CAMK2B: variants seen among roughly 807,000 people sequenced by gnomAD.
The protein encoded by CAMK2B is calcium/calmodulin-dependent protein kinase type II subunit beta.
A neutral mutation model predicts 93.7 loss-of-function variants in CAMK2B; 27 were observed. That is an observed-to-expected ratio of 0.29 (90% CI 0.21 to 0.40). The LOEUF (loss-of-function observed/expected upper bound fraction) is 0.40. Among genes scored for constraint, CAMK2B ranks in the 10% least tolerant of loss-of-function variants. The probability of loss-of-function intolerance (pLI) is 1.00; values close to 1 mark genes in which losing one functional copy is unlikely to be tolerated. For synonymous variants in CAMK2B, 374 were observed against 358.8 expected, an observed-to-expected ratio of 1.04 and a Z score of -0.48; for missense variants, 568 against 895.8, an observed-to-expected ratio of 0.63 and a Z score of 4.67.
chr7:44,231,192 C>T (rs369277952), intron 16 of CAMK2B, 138 bp from the exon 17 acceptor site: 42 of 706,384 alleles, frequency 5.9e-5, no homozygotes, highest in African/African-American at 2.9e-4. Flanking sequence ...GCTGCTTCCA[C>T]GGGGCTTAAA....
intron 1 of CAMK2B, among the ~76,000 whole-genome samples, chr7:44,301,074 T>A (rs1789867273): frequency 6.6e-6 from 1 of 152,200 alleles, no homozygotes; most frequent in Non-Finnish European, 1.5e-5. Context: ...TATTTTGAAC[T>A]AAATGAAAAT....
chr7:44,230,139 T>C (rs2096565080), intron 17 of CAMK2B: 1 of 152,286 alleles, frequency 6.6e-6, no homozygotes, highest in Non-Finnish European at 1.5e-5. Context: ...ACAGCCTTCA[T>C]GCTGTTGCCT....
At chr7:44,231,524 C>G (rs762429711) in intron 16 of CAMK2B, among the ~76,000 whole-genome samples, 2 of 152,242 alleles carry the variant, frequency 1.3e-5, no homozygotes, top group Non-Finnish European at 2.9e-5. Context: ...AATTCCAAGA[C>G]GTAAAACACA....
intron 1 of CAMK2B, among the ~76,000 whole-genome samples, chr7:44,295,698 T>C (rs1419393156): frequency 6.6e-6 from 1 of 152,130 alleles, no homozygotes; most frequent in African/African-American, 2.4e-5. Flanking sequence ...GAGAAAAATA[T>C]TCATTTTGAA....
intron 2 of CAMK2B, among the ~76,000 whole-genome samples, chr7:44,281,692 A>G (rs921086237): frequency 6.6e-6 from 1 of 152,164 alleles, no homozygotes. Flanking sequence ...TCTCAACCAC[A>G]CGGCTCAGTC....
chr7:44,253,425 T>C (rs1269355506), intron 5 of CAMK2B, among the ~76,000 whole-genome samples: 3 of 152,158 alleles, frequency 2.0e-5, no homozygotes, highest in African/African-American at 4.8e-5. Flanking sequence ...GTTGGTCAGG[T>C]TGGCCTGGAA....
chr7:44,256,224 G>T (rs1051437744), intron 4 of CAMK2B, among the ~76,000 whole-genome samples: 2 of 152,244 alleles, frequency 1.3e-5, no homozygotes, highest in African/African-American at 2.4e-5. Context: ...CCCTTCCCAG[G>T]GTCATCTGGC....
chr7:44,313,630 C>G (rs751923199), intron 1 of CAMK2B, among the ~76,000 whole-genome samples: 1 of 150,794 alleles, frequency 6.6e-6, no homozygotes, highest in Non-Finnish European at 1.5e-5. Flanking sequence ...GTGGTACAGA[C>G]GGCATCTTCC....
intron 13 of CAMK2B, among the ~76,000 whole-genome samples, chr7:44,238,231 C>T (rs1336239465): frequency 1.3e-5 from 2 of 152,218 alleles, no homozygotes; most frequent in Non-Finnish European, 2.9e-5. Context: ...GCACTGACCA[C>T]CCTCCAGGAC....
intron 3 of CAMK2B, among the ~76,000 whole-genome samples, chr7:44,261,759 A>G (rs2096881077): frequency 6.6e-6 from 1 of 152,274 alleles, no homozygotes; most frequent in Admixed American, 6.5e-5. Context: ...TAAGTAAAAA[A>G]GTGAATTGTC....
intron 4 of CAMK2B, among the ~76,000 whole-genome samples, chr7:44,258,440 C>T (rs1273619475): frequency 6.6e-6 from 1 of 152,366 alleles, no homozygotes; most frequent in African/African-American, 2.4e-5. Flanking sequence ...TACAGGTGCA[C>T]GTGCTCACAT....
intron 1 of CAMK2B, among the ~76,000 whole-genome samples, chr7:44,318,761 A>G (rs886072441): frequency 2.6e-5 from 4 of 152,214 alleles, no homozygotes; most frequent in Non-Finnish European, 5.9e-5. Context: ...ATCTTCTTAA[A>G]TCTTTGCCTG....
chr7:44,257,694 G>A (rs2096846119), intron 4 of CAMK2B, among the ~76,000 whole-genome samples: 2 of 152,264 alleles, frequency 1.3e-5, no homozygotes, highest in Admixed American at 6.5e-5. Flanking sequence ...CCTGGCTGGT[G>A]ATTTGAGTTG....
intron 20 of CAMK2B, among the ~76,000 whole-genome samples, chr7:44,222,038 G>A (rs965211596): frequency 3.3e-5 from 5 of 152,154 alleles, no homozygotes; most frequent in Non-Finnish European, 5.9e-5. Context: ...GTCCCTAGCC[G>A]TATCTGCGAG....
rs1397556534 is a variant in CAMK2B, at chr7:44,312,334, C to T, written c.65+13023G>A. 2.0e-5 allele frequency among the ~76,000 whole-genome samples: 3 copies of T among 152,308 alleles called. No individual in the cohort carries two copies. The highest frequency in any genetic ancestry group is 2.1e-4 in the South Asian group (1 of 4,824). On this transcript the variant is annotated intron_variant, in intron 1 of 23. Transcript: ENST00000395749. The surrounding 1 kb of genome is among the most constrained non-coding windows in gnomAD (Gnocchi z 4.1). ...AGGGTGGGGCAGAGACCCAGAAGTG[C>T]CTGTGACACTCTCAGGGGCTGCAAA...
chr7:44,287,782 C>T (rs1785543571), intron 1 of CAMK2B, among the ~76,000 whole-genome samples: 1 of 152,246 alleles, frequency 6.6e-6, no homozygotes, highest in Admixed American at 6.5e-5. Flanking sequence ...CCAATGCAAA[C>T]AGCTCCCCGC....
chr7:44,295,342 C>T (rs924547312), intron 1 of CAMK2B, among the ~76,000 whole-genome samples: 2 of 152,230 alleles, frequency 1.3e-5, no homozygotes, highest in African/African-American at 2.4e-5. Flanking sequence ...TTCTTAGATC[C>T]ATCAGAGAAC....
chr7:44,238,253 C>T (rs963996492), intron 13 of CAMK2B, among the ~76,000 whole-genome samples: 4 of 152,186 alleles, frequency 2.6e-5, no homozygotes, highest in African/African-American at 7.2e-5. Flanking sequence ...GAGCTGCTCT[C>T]GGCGCCCAGG....
At chr7:44,310,449 C>T (rs968691384) in intron 1 of CAMK2B, among the ~76,000 whole-genome samples, 5 of 152,208 alleles carry the variant, frequency 3.3e-5, no homozygotes, top group African/African-American at 4.8e-5. Flanking sequence ...CCCAAGGCCA[C>T]ACAACCCAGT....
Sources: gnomAD v4.1 joint callset for allele counts (sites outside exome capture counted in the v4.1 genomes callset) on GRCh38, gnomAD v4.1.1 for gene constraint, Gnocchi (gnomAD v3.1) non-coding constraint, MANE v1.5 for transcripts, NCBI Gene and HGNC (gene_info 2026-07-23, HGNC 2026-07-21) for gene names.